The following GALNT14 variants were observed in gnomAD, a reference collection of about 807,000 sequenced individuals.
GALNT14 encodes the protein UDP-GalNAc:polypeptide N-acetylgalactosaminyltransferase 14.
GALNT14 carries 60 observed loss-of-function variants against 77.5 expected under a neutral mutation model. The ratio of observed to expected loss-of-function variants is 0.77; its 90% confidence interval spans 0.63 to 0.96. The LOEUF is 0.96. GALNT14 is among the 40% of genes least tolerant of loss of function. GALNT14 has a pLI of 0.00. For synonymous variants in GALNT14, 280 were observed against 281.7 expected (o/e 0.99, Z 0.06); for missense variants, 710 against 731.0 (o/e 0.97, Z 0.33).
chr2:31,041,207 G>A (rs748477118), intron 1 of GALNT14, among the ~76,000 whole-genome samples: 11 of 152,166 alleles, frequency 7.2e-5, no homozygotes, highest in Non-Finnish European at 1.5e-4. Flanking sequence ...AGATAAAGGA[G>A]AGGATTAAGA....
At chr2:31,091,891 G>A (rs944300217) in intron 1 of GALNT14, among the ~76,000 whole-genome samples, 4 of 152,114 alleles carry the variant, frequency 2.6e-5, no homozygotes, top group Admixed American at 2.0e-4. Flanking sequence ...ACTGGGTGAG[G>A]CAGACCCACC....
intron 1 of GALNT14, among the ~76,000 whole-genome samples, chr2:31,027,886 CTGTGTGTGTGTG>C (rs10562223): frequency 7.1e-6 from 1 of 141,776 alleles, no homozygotes; most frequent in East Asian, 2.2e-4. Context: ...CAGATGTATT[CTGTGTGTGTGTG>C]TGTGTGTGTG....
intron 1 of GALNT14, among the ~76,000 whole-genome samples, chr2:31,029,091 C>G (rs1672253451): frequency 6.6e-6 from 1 of 152,068 alleles, no homozygotes; most frequent in Non-Finnish European, 1.5e-5. Flanking sequence ...CTAACGCGTG[C>G]AGAGGGAAGA....
At chr2:30,959,036 TC>T (rs1667533175) in intron 3 of GALNT14, among the ~76,000 whole-genome samples, 1 of 152,022 alleles carries the variant, frequency 6.6e-6, no homozygotes, top group Non-Finnish European at 1.5e-5. Context: ...GGCCCACATT[TC>T]CCCACCTCCC....
the GALNT14 span, among the ~76,000 whole-genome samples, chr2:30,891,096 T>C: frequency 6.6e-6 from 1 of 152,170 alleles, no homozygotes; most frequent in African/African-American, 2.4e-5. Flanking sequence ...GGCAGGTAGT[T>C]GGCACCAGGG....
chr2:30,940,670 A>G (rs1343929473), intron 9 of GALNT14, among the ~76,000 whole-genome samples: 1 of 152,214 alleles, frequency 6.6e-6, no homozygotes, highest in Non-Finnish European at 1.5e-5. Context: ...GTCAAGACAT[A>G]AAAATGGGCT....
At chr2:30,948,109 C>A (rs542645001) in intron 6 of GALNT14, among the ~76,000 whole-genome samples, 1 of 152,214 alleles carries the variant, frequency 6.6e-6, no homozygotes, top group Non-Finnish European at 1.5e-5. Flanking sequence ...AATACCTGGA[C>A]GTGCACACAC....
the GALNT14 span, among the ~76,000 whole-genome samples, chr2:30,898,324 C>G: frequency 6.6e-6 from 1 of 152,182 alleles, no homozygotes; most frequent in Non-Finnish European, 1.5e-5. Flanking sequence ...TGCACAGACT[C>G]AGACAAGGGG....
At chr2:31,047,039 C>G (rs546404883) in intron 1 of GALNT14, among the ~76,000 whole-genome samples, 11 of 152,190 alleles carry the variant, frequency 7.2e-5, no homozygotes, top group Non-Finnish European at 1.5e-4. Flanking sequence ...GAAGTAGAAC[C>G]TCCTGTGTGG....
chr2:31,037,804 T>A (rs1397741625), intron 1 of GALNT14, among the ~76,000 whole-genome samples: 1 of 151,860 alleles, frequency 6.6e-6, no homozygotes, highest in Non-Finnish European at 1.5e-5. Context: ...GCTGAGAGGC[T>A]CTGTGTGTGT....
intron 1 of GALNT14, among the ~76,000 whole-genome samples, chr2:31,071,761 A>G (rs1200404535): frequency 6.6e-6 from 1 of 152,202 alleles, no homozygotes; most frequent in Non-Finnish European, 1.5e-5. Context: ...TTCAGACCCA[A>G]CAGTGGGTTT....
At chr2:30,939,266 T>C (rs556704151) in intron 9 of GALNT14, among the ~76,000 whole-genome samples, 41 of 152,096 alleles carry the variant, frequency 2.7e-4, no homozygotes, top group African/African-American at 9.9e-4. Flanking sequence ...AGGGAGAGGG[T>C]GGGCCAGAGG....
intron 1 of GALNT14, among the ~76,000 whole-genome samples, chr2:31,075,638 G>A (rs9973423): frequency 0.062 from 9,517 of 152,306 alleles, 316 homozygotes; most frequent in South Asian, 0.085. Context: ...AGAGCTATTA[G>A]GGACCACTGC....
chr2:30,898,028 A>G, the GALNT14 span, among the ~76,000 whole-genome samples: 8 of 152,154 alleles, frequency 5.3e-5, no homozygotes, highest in Non-Finnish European at 1.2e-4. Flanking sequence ...ATATGTTAAA[A>G]TCCTAACTCC....
At chr2:30,900,639 G>A in the GALNT14 span, among the ~76,000 whole-genome samples, 7 of 152,132 alleles carry the variant, frequency 4.6e-5, no homozygotes, top group African/African-American at 1.7e-4. Flanking sequence ...CTGGCACAGG[G>A]AGCTCCCTTT....
At chr2:31,036,679 T>C (rs1222485315) in intron 1 of GALNT14, among the ~76,000 whole-genome samples, 1 of 152,230 alleles carries the variant, frequency 6.6e-6, no homozygotes, top group Non-Finnish European at 1.5e-5. Context: ...GTAGTTCTTG[T>C]GGGGCAGTTC....
chr2:30,960,998 C>T (rs1209540746), intron 3 of GALNT14, among the ~76,000 whole-genome samples: 1 of 152,238 alleles, frequency 6.6e-6, no homozygotes, highest in Admixed American at 6.5e-5. Flanking sequence ...GGCAGGTACA[C>T]AGGTGGCTTC....
chr2:31,102,183 T>C (rs1377375388), intron 1 of GALNT14, among the ~76,000 whole-genome samples: 1 of 151,016 alleles, frequency 6.6e-6, no homozygotes, highest in Non-Finnish European at 1.5e-5. Flanking sequence ...CTCTTTTATT[T>C]ATTTTTTTCT....
intron 1 of GALNT14, among the ~76,000 whole-genome samples, chr2:31,118,902 T>A (rs956917171): frequency 2.0e-5 from 3 of 151,914 alleles, no homozygotes; most frequent in African/African-American, 7.3e-5. Context: ...GAAAATGGAG[T>A]TCCCAGAACT....
Sources: gnomAD v4.1 joint callset for allele counts (sites outside exome capture counted in the v4.1 genomes callset) on GRCh38, gnomAD v4.1.1 for gene constraint, MANE v1.5 for transcripts, NCBI Gene and HGNC (gene_info 2026-07-23, HGNC 2026-07-21) for gene names.